Variants in USP15 observed in about 807,000 individuals in gnomAD.
The protein encoded by USP15 is ubiquitin specific peptidase 15.
USP15 carries 18 observed loss-of-function variants against 127.1 expected under a neutral mutation model. The ratio of observed to expected loss-of-function variants is 0.14; its 90% CI spans 0.10 to 0.21. The LOEUF (loss-of-function observed/expected upper bound fraction) is 0.21, where lower values mean the gene tolerates loss of function less well. Ranked by LOEUF, USP15 falls within the 10% of genes least tolerant of loss-of-function variation. USP15 has a pLI of 1.00. For missense variants in USP15, 805 were observed against 1,159.9 expected (o/e 0.69, Z 4.44); for synonymous variants, 364 against 393.7 (o/e 0.92, Z 0.89).
chr12:62,276,677 C>G (rs1192767933), intron 1 of USP15, among the ~76,000 whole-genome samples: 1 of 152,034 alleles, frequency 6.6e-6, no homozygotes, highest in Non-Finnish European at 1.5e-5. Flanking sequence ...ATATCAGAAT[C>G]ACATTTTGAT....
chr12:62,329,313 G>A (rs1033744519), intron 6 of USP15, among the ~76,000 whole-genome samples: 6 of 152,162 alleles, frequency 3.9e-5, no homozygotes, highest in Non-Finnish European at 8.8e-5. Flanking sequence ...GGAGGTTTCC[G>A]TGAGCCAAGA....
At chr12:62,316,323 A>C (rs2064829818) in intron 4 of USP15, among the ~76,000 whole-genome samples, 1 of 151,666 alleles carries the variant, frequency 6.6e-6, no homozygotes, top group Non-Finnish European at 1.5e-5. Flanking sequence ...TCTTTCTAAA[A>C]TGAATGCTTA....
chr12:62,273,413 T>C (rs986874521), intron 1 of USP15, among the ~76,000 whole-genome samples: 11 of 152,092 alleles, frequency 7.2e-5, no homozygotes, highest in South Asian at 2.1e-4. Flanking sequence ...AACCACTTTA[T>C]TCATATGAAG....
At chr12:62,371,574 T>C (rs1003058870) in intron 8 of USP15, among the ~76,000 whole-genome samples, 4 of 152,124 alleles carry the variant, frequency 2.6e-5, no homozygotes, top group African/African-American at 4.8e-5. Context: ...GCAAGACTTG[T>C]TTTTTATATG....
chr12:62,354,115 G>A (rs933004971), intron 7 of USP15, among the ~76,000 whole-genome samples: 3 of 151,228 alleles, frequency 2.0e-5, no homozygotes, highest in South Asian at 2.1e-4. Flanking sequence ...GTTTTCTCTG[G>A]GGGTGGTGTG....
rs1268396247 is a variant in USP15 at position 62,284,824 on chromosome 12, GT to G, written c.90-9346del. Among the ~76,000 whole-genome samples the G allele has an allele frequency of 3.3e-5, 5 of 150,822 alleles. No homozygotes were observed. In the South Asian group the frequency reaches 6.3e-4, roughly 19 times the overall value. On this transcript the variant is annotated intron_variant, in intron 1 of 21. Coordinates refer to ENST00000280377, the MANE Select transcript of USP15 (RefSeq NM_001252078.2). ...AGAATAAATTTTTACAATGTTTTAGGTTTTTTTTTAATGCTTTCTATCCTAG... is the reference window on the plus strand; with the variant it reads ...AGAATAAATTTTTACAATGTTTTAGGTTTTTTTTAATGCTTTCTATCCTAG...
chr12:62,271,664 T>C (rs2063347815), intron 1 of USP15, among the ~76,000 whole-genome samples: 1 of 151,904 alleles, frequency 6.6e-6, no homozygotes, highest in Non-Finnish European at 1.5e-5. Context: ...TTAATTATCA[T>C]TTCCTTCTTG....
rs534728233 is a variant in USP15, at chr12:62,381,801, T to C, written c.1089+138T>C. 62 of 687,958 alleles carry C rather than the reference T, an allele frequency of 9.0e-5. No individual in the cohort carries two copies. The South Asian group carries it at 1.4e-3, about 15-fold the overall frequency. 42.6% of individuals were successfully genotyped at this position (687,958 alleles called of 1,614,324 possible). ...AAGGAACACAGTACATAAATAGATA[T>C]ACAGTACATCTGTGATATAAAATTT... is the stretch of plus-strand genomic sequence containing the variant. On this transcript the variant is annotated intron_variant, in intron 9 of 21. Coordinates refer to ENST00000280377, the MANE Select transcript of USP15 (RefSeq NM_001252078.2).
chr12:62,313,551 A>C (rs191987422), intron 3 of USP15, among the ~76,000 whole-genome samples: 2 of 151,864 alleles, frequency 1.3e-5, no homozygotes, highest in East Asian at 3.9e-4. Context: ...CTGACTGATA[A>C]GAATATTTGA....
chr12:62,342,278 C>A (rs772205393), intron 6 of USP15, among the ~76,000 whole-genome samples: 1 of 152,070 alleles, frequency 6.6e-6, no homozygotes, highest in Non-Finnish European at 1.5e-5. Flanking sequence ...TTATGTTCCT[C>A]GCTAAACTGG....
chr12:62,260,623 G>A, intron 1 of USP15, 120 bp downstream of exon 1: 2 of 944,958 alleles, frequency 2.1e-6, no homozygotes, highest in Non-Finnish European at 1.6e-6. Context: ...CGGCCGCCGG[G>A]GCAGCGGGAT....
intron 8 of USP15, among the ~76,000 whole-genome samples, chr12:62,369,979 T>C (rs1366960561): frequency 6.6e-6 from 1 of 152,168 alleles, no homozygotes; most frequent in Admixed American, 6.5e-5. Context: ...ATTCTTCTTT[T>C]TTGTTTGGTT....
intron 1 of USP15, among the ~76,000 whole-genome samples, chr12:62,281,306 A>G (rs1452072255): frequency 4.6e-5 from 7 of 151,942 alleles, no homozygotes; most frequent in Non-Finnish European, 1.0e-4. Context: ...AACACTATAC[A>G]TTGTTTCTGG....
rs1014967024 is a variant in USP15 at position 62,269,368 on chromosome 12, G to GTA, written c.89+8877_89+8878dup. Among the ~76,000 whole-genome samples the GTA allele has an allele frequency of 4.2e-3, 641 of 151,238 alleles. 4 individuals are homozygous for GTA. Among genetic ancestry groups the GTA allele is most frequent in the African/African-American group, 0.014 (578 of 41,088 alleles). ...TATAAATATATATATGTGTGTGTGTGTATATATATATATCTAAACATAGAA... is the reference window on the plus strand; with the variant it reads ...TATAAATATATATATGTGTGTGTGTGTATATATATATATATCTAAACATAGAA... On this transcript the variant is annotated intron_variant, in intron 1 of 21. Transcript: ENST00000280377.
rs1226553199 is a variant in USP15, at chr12:62,408,423, TC to T, written c.*4049del. Reference sequence around the variant, plus strand: ...GATAGAAATGTGGAAAACTCTTGAATCATAGACTAGGGGAAGGAACCAGAGG... The same window carrying T: ...GATAGAAATGTGGAAAACTCTTGAATATAGACTAGGGGAAGGAACCAGAGG... On this transcript the variant is annotated 3_prime_UTR_variant, in exon 22 of 22. Coordinates refer to ENST00000280377, the MANE Select transcript of USP15 (RefSeq NM_001252078.2). 3 of 152,030 alleles carry T rather than the reference TC, an allele frequency of 2.0e-5. No individual in the cohort carries two copies. Among genetic ancestry groups the T allele is most frequent in the Non-Finnish European group, 4.4e-5 (3 of 67,994 alleles). The allele number at this position is 152,030 out of a possible 1,614,324, so 9.4% of individuals were successfully genotyped here.
chr12:62,304,686 A>C (rs2064422177), intron 3 of USP15: 1 of 454,054 alleles, frequency 2.2e-6, no homozygotes, highest in Non-Finnish European at 4.4e-6. Context: ...CAACACTCAA[A>C]GAATGGACGA....
Position 62,389,469 on chromosome 12 carries a change from T to A in USP15, c.1512T>A (p.Asp504Glu), listed in dbSNP as rs910931954. ...TCCCCAAAATTGGAAACATATTAGA[T>A]CTTTGTACAGCATTGTCTGCTTTGT... The part of the protein sequence containing the change: ...VVVPKIGNIL[D>E]LCTALSALSG... Residue 504 changes from aspartate (D) to glutamate (E), a missense_variant, in exon 12 of 22, where the codon GAT becomes GAA. Asp to Glu is a conservative substitution (Grantham distance 45, BLOSUM62 2). Around this residue, in one of 11 missense-constraint regions of USP15, gnomAD observed 82 missense variants for 104.4 expected, o/e 0.79. Coordinates refer to ENST00000280377, the MANE Select transcript of USP15 (RefSeq NM_001252078.2). 6.2e-7 allele frequency: 1 copy of A among 1,613,432 alleles called. No homozygotes were observed. Among genetic ancestry groups the A allele is most frequent in the Admixed American group, 1.7e-5 (1 of 59,970 alleles).
chr12:62,294,132 C>A (rs370074677), intron 1 of USP15, 47 bp from the exon 2 acceptor site: 2 of 1,593,806 alleles, frequency 1.3e-6, no homozygotes, highest in East Asian at 4.5e-5. Context: ...TTCTACTGTT[C>A]CTGTATTTTC....
intron 5 of USP15, among the ~76,000 whole-genome samples, chr12:62,323,167 AC>A (rs1399172870): frequency 6.6e-6 from 1 of 152,098 alleles, no homozygotes; most frequent in East Asian, 1.9e-4. Flanking sequence ...CTTAACTTCC[AC>A]AAAGATGTAT....
Sources: allele counts gnomAD v4.1 joint callset (sites outside exome capture counted in the v4.1 genomes callset), GRCh38; gene constraint gnomAD v4.1.1; regional missense constraint gnomAD v4.1.1; transcripts MANE v1.5; gene names NCBI Gene and HGNC (gene_info 2026-07-23, HGNC 2026-07-21).